CMTM8: variants seen among roughly 807,000 people sequenced by gnomAD.
CMTM8 encodes CKLF like MARVEL transmembrane domain containing 8, also known as CKLF-like MARVEL transmembrane domain-containing protein 8.
Under a neutral mutation model 18.6 loss-of-function variants are expected in CMTM8, and 12 were observed. The ratio of observed to expected loss-of-function variants is 0.65; its 90% CI spans 0.41 to 1.05. CMTM8 has a LOEUF of 1.05. Among genes scored for constraint, CMTM8 ranks in the 50% least tolerant of loss-of-function variants. CMTM8 has a pLI of 0.00. For synonymous variants in CMTM8, 87 were observed against 90.6 expected (o/e 0.96, Z 0.23); for missense variants, 217 against 227.2 (o/e 0.95, Z 0.29).
chr3:32,258,982 T>C lies in CMTM8; in HGVS notation c.147+19863T>C, dbSNP rs1173912158. The stretch of plus-strand genomic sequence containing the variant: ...TTCCACCTTCTCCTCCAACTGCCAG[T>C]CCGTGGGCTCTGTCCAGGGGCCCAG... On this transcript the variant is annotated intron_variant, in intron 1 of 3. Transcript: ENST00000307526. 58 of 329,608 alleles carry C rather than the reference T, an allele frequency of 1.8e-4. No individual in the cohort carries two copies. The Admixed American group carries it at 2.0e-3, about 11-fold the overall frequency. 20.4% of individuals were successfully genotyped at this position (329,608 alleles called of 1,614,324 possible). A position where few individuals can be genotyped will look rare whatever the true frequency, so the allele number is the denominator to read the frequency against.
At chr3:32,319,260 G>A (rs181007136) in intron 1 of CMTM8, among the ~76,000 whole-genome samples, 5 of 150,274 alleles carry the variant, frequency 3.3e-5, no homozygotes, top group Non-Finnish European at 7.4e-5. Context: ...TGTATTTTTA[G>A]TAGAGACAGG....
At chr3:32,267,589 A>C (rs1350340918) in intron 1 of CMTM8, among the ~76,000 whole-genome samples, 1 of 152,248 alleles carries the variant, frequency 6.6e-6, no homozygotes, top group Non-Finnish European at 1.5e-5. Context: ...ACAAAAGCCA[A>C]AATTCACAAG....
chr3:32,260,770 T>C (rs1421018373), intron 1 of CMTM8, among the ~76,000 whole-genome samples: 1 of 152,162 alleles, frequency 6.6e-6, no homozygotes, highest in Non-Finnish European at 1.5e-5. Flanking sequence ...CTTTCCTTTG[T>C]TAGATTATAT....
intron 1 of CMTM8, among the ~76,000 whole-genome samples, chr3:32,283,559 C>T (rs1038105698): frequency 6.6e-6 from 1 of 152,160 alleles, no homozygotes; most frequent in Non-Finnish European, 1.5e-5. Flanking sequence ...GCCATTGATC[C>T]CGGGACACGT....
At chr3:32,264,480 C>A (rs1021300598) in intron 1 of CMTM8, among the ~76,000 whole-genome samples, 3 of 152,162 alleles carry the variant, frequency 2.0e-5, no homozygotes, top group Admixed American at 1.3e-4. Context: ...GAAACCCGTA[C>A]CAGCCACTGC....
intron 1 of CMTM8, among the ~76,000 whole-genome samples, chr3:32,246,284 G>A (rs926362474): frequency 2.0e-5 from 3 of 152,160 alleles, no homozygotes; most frequent in African/African-American, 7.2e-5. Context: ...ATCTACTGGT[G>A]TCATCAGCAT....
chr3:32,255,052 A>G (rs1209116495), intron 1 of CMTM8, among the ~76,000 whole-genome samples: 1 of 152,112 alleles, frequency 6.6e-6, no homozygotes, highest in African/African-American at 2.4e-5. Flanking sequence ...TCTTTCACTT[A>G]GCATAGTATT....
intron 1 of CMTM8, among the ~76,000 whole-genome samples, chr3:32,350,956 G>C (rs1184688341): frequency 6.6e-6 from 1 of 152,186 alleles, no homozygotes; most frequent in Admixed American, 6.5e-5. Flanking sequence ...ACCGCACCTG[G>C]CTCTGTTCTA....
chr3:32,349,127 G>T (rs1234315896), intron 1 of CMTM8, among the ~76,000 whole-genome samples: 2 of 151,942 alleles, frequency 1.3e-5, no homozygotes, highest in African/African-American at 2.4e-5. Flanking sequence ...CTTCCAGTTT[G>T]TTTTTTGGTT....
chr3:32,360,755 A>ACATC (rs1319224924), intron 2 of CMTM8, among the ~76,000 whole-genome samples: 1 of 152,246 alleles, frequency 6.6e-6, no homozygotes, highest in African/African-American at 2.4e-5. Flanking sequence ...TCCCTGGACC[A>ACATC]GCAGCATCAC....
intron 1 of CMTM8, among the ~76,000 whole-genome samples, chr3:32,287,904 C>G (rs2125554233): frequency 6.6e-6 from 1 of 152,214 alleles, no homozygotes; most frequent in East Asian, 1.9e-4. Context: ...CATATGCCAG[C>G]TGCCCCTCAC....
intron 1 of CMTM8, among the ~76,000 whole-genome samples, chr3:32,325,343 A>G (rs1696130352): frequency 6.6e-6 from 1 of 152,210 alleles, no homozygotes; most frequent in Admixed American, 6.5e-5. Flanking sequence ...GAGGTGCATT[A>G]TTATTTGCAT....
At chr3:32,360,796 G>T (rs1322423656) in intron 2 of CMTM8, among the ~76,000 whole-genome samples, 1 of 152,128 alleles carries the variant, frequency 6.6e-6, no homozygotes, top group Non-Finnish European at 1.5e-5. Flanking sequence ...AGAATGTTAG[G>T]CCCTACTCTA....
At chr3:32,368,852 C>G (rs1697096933) in intron 3 of CMTM8, among the ~76,000 whole-genome samples, 1 of 152,144 alleles carries the variant, frequency 6.6e-6, no homozygotes, top group Non-Finnish European at 1.5e-5. Context: ...TTAAGAATCT[C>G]TCTGAGATTG....
At chr3:32,314,290 G>A (rs1252949564) in intron 1 of CMTM8, among the ~76,000 whole-genome samples, 2 of 152,140 alleles carry the variant, frequency 1.3e-5, no homozygotes, top group Admixed American at 6.5e-5. Context: ...TATCAGGGCT[G>A]CAGGGGCTGG....
intron 3 of CMTM8, among the ~76,000 whole-genome samples, chr3:32,368,463 T>A (rs1446504683): frequency 2.0e-5 from 3 of 150,862 alleles, no homozygotes; most frequent in Non-Finnish European, 4.4e-5. Context: ...TCTATTTTTT[T>A]TTTTTTTTTT....
intron 1 of CMTM8, among the ~76,000 whole-genome samples, chr3:32,268,822 TG>T (rs1575153091): frequency 6.6e-6 from 1 of 152,180 alleles, no homozygotes; most frequent in Non-Finnish European, 1.5e-5. Flanking sequence ...TGACCTGTGT[TG>T]GAAAACATGC....
At position 32,288,693 on chromosome 3, in the gene CMTM8, C is replaced by G. The variant is rs566202785; in HGVS notation, c.147+49574C>G. 1.8e-3 allele frequency among the ~76,000 whole-genome samples: 279 copies of G among 152,190 alleles called. 1 individual carries two copies. The highest frequency in any genetic ancestry group is 0.014 in the Middle Eastern group (4 of 294). ...TTTTTTGTATTTTTAGTAGAGACGG[C>G]ATTTCACCATGTTAGCCAGGATGTT... On this transcript the variant is annotated intron_variant, in intron 1 of 3. Coordinates refer to ENST00000307526, the MANE Select transcript of CMTM8 (RefSeq NM_178868.5).
At chr3:32,298,674 C>T (rs1307101846) in intron 1 of CMTM8, among the ~76,000 whole-genome samples, 1 of 150,784 alleles carries the variant, frequency 6.6e-6, no homozygotes, top group Non-Finnish European at 1.5e-5. Context: ...TTCACTCTGT[C>T]ACCCAGGCTG....
Sources: allele counts gnomAD v4.1 joint callset (sites outside exome capture counted in the v4.1 genomes callset), GRCh38; gene constraint gnomAD v4.1.1; transcripts MANE v1.5; gene names NCBI Gene and HGNC (gene_info 2026-07-23, HGNC 2026-07-21).